ARHGAP6: variants seen among roughly 807,000 people sequenced by gnomAD.
ARHGAP6 encodes Rho GTPase activating protein 6.
A neutral mutation model predicts 55.7 loss-of-function variants in ARHGAP6; 16 were observed. The observed-to-expected ratio is 0.29, with a 90% confidence interval of 0.19 to 0.44. ARHGAP6 has a LOEUF of 0.44. ARHGAP6 is among the 20% of genes least tolerant of loss of function. The pLI is 1.00. For missense variants in ARHGAP6, 698 were observed against 808.9 expected, an observed-to-expected ratio of 0.86 and a Z score of 1.66; for synonymous variants, 382 against 360.9, an observed-to-expected ratio of 1.06 and a Z score of -0.66.
At chrX:11,244,157 T>C (rs758587966) in intron 2 of ARHGAP6, among the ~76,000 whole-genome samples, 1 of 112,260 alleles carries the variant, frequency 8.9e-6, no homozygotes, top group East Asian at 2.8e-4. Context: ...GTTGAACAAC[T>C]GCATAAAAAA....
At chrX:11,348,069 G>A (rs970473767) in intron 1 of ARHGAP6, among the ~76,000 whole-genome samples, 3 of 112,176 alleles carry the variant, frequency 2.7e-5, no homozygotes, top group Non-Finnish European at 3.8e-5. Context: ...CTCATCTGAT[G>A]CTTCCTTCAG....
At chrX:11,493,284 T>C (rs59135452) in intron 1 of ARHGAP6, among the ~76,000 whole-genome samples, 8,547 of 111,697 alleles carry the variant, frequency 0.077, 350 homozygotes, top group East Asian at 0.18. Flanking sequence ...TCAACAAACA[T>C]GGCAATGAGG....
intron 1 of ARHGAP6, among the ~76,000 whole-genome samples, chrX:11,549,553 G>C: frequency 1.8e-5 from 2 of 112,075 alleles, no homozygotes; most frequent in Middle Eastern, 9.2e-3. Context: ...CTGGAGCTGT[G>C]CTTCTCAGTC....
chrX:11,565,256 C>T (rs1480426743), intron 1 of ARHGAP6, among the ~76,000 whole-genome samples: 1 of 112,032 alleles, frequency 8.9e-6, no homozygotes, highest in African/African-American at 3.2e-5. Context: ...TGCCCCAGAT[C>T]AGAAATGTTT....
At chrX:11,181,691 T>C (rs2046316249) in intron 6 of ARHGAP6, among the ~76,000 whole-genome samples, 2 of 112,788 alleles carry the variant, frequency 1.8e-5, no homozygotes, top group South Asian at 7.2e-4. Flanking sequence ...GAAGGGAATG[T>C]TAATGGCATT....
chrX:11,243,894 C>T (rs1036477212), intron 2 of ARHGAP6, among the ~76,000 whole-genome samples: 1 of 112,211 alleles, frequency 8.9e-6, no homozygotes, highest in Non-Finnish European at 1.9e-5. Flanking sequence ...GCAGTAGGCT[C>T]TACCATATCG....
chrX:11,281,943 AAC>A (rs930305007), intron 1 of ARHGAP6, among the ~76,000 whole-genome samples: 7 of 112,108 alleles, frequency 6.2e-5, no homozygotes, highest in African/African-American at 2.3e-4. Context: ...TAATGGAATA[AAC>A]AGAGTGTCTT....
chrX:11,480,256 C>T (rs2050443042), intron 1 of ARHGAP6, among the ~76,000 whole-genome samples: 1 of 111,031 alleles, frequency 9.0e-6, no homozygotes, highest in East Asian at 2.8e-4. Context: ...TATTCGGCAA[C>T]AAAAAGAATA....
At chrX:11,303,764 G>C (rs1309621630) in intron 1 of ARHGAP6, among the ~76,000 whole-genome samples, 1 of 111,371 alleles carries the variant, frequency 9.0e-6, no homozygotes, top group Admixed American at 9.5e-5. Context: ...ATGGTAGGGG[G>C]TGCAGCCTCC....
rs1385512649 is a variant in ARHGAP6, at chrX:11,148,823, T to C, written c.1908-4575A>G. ...GAACTGTGGAGGTTTCAAATGTGTG[T>C]TGGCTTCATCCTTGGCTTAATCATA... is the stretch of plus-strand genomic sequence containing the variant. On this transcript the variant is annotated intron_variant, in intron 10 of 12. Transcript: ENST00000337414. 4.3e-5 allele frequency: 12 copies of C among 281,234 alleles called. No homozygotes were observed. In the Admixed American group the frequency reaches 4.5e-4, roughly 11 times the overall value. 23.2% of individuals were successfully genotyped at this position (281,234 alleles called of 1,213,427 possible).
At chrX:11,483,018 C>T (rs995353887) in intron 1 of ARHGAP6, among the ~76,000 whole-genome samples, 1 of 111,695 alleles carries the variant, frequency 9.0e-6, no homozygotes, top group Non-Finnish European at 1.9e-5. Context: ...AGAATATTTC[C>T]TGACCAATCC....
intron 1 of ARHGAP6, among the ~76,000 whole-genome samples, chrX:11,516,634 G>C (rs1176204742): frequency 8.9e-6 from 1 of 111,857 alleles, no homozygotes; most frequent in African/African-American, 3.2e-5. Context: ...ACTCAACATA[G>C]GTCCTCATTC....
chrX:11,273,228 G>A (rs1879145003), intron 1 of ARHGAP6, among the ~76,000 whole-genome samples: 1 of 110,156 alleles, frequency 9.1e-6, no homozygotes, highest in Admixed American at 9.7e-5. Flanking sequence ...AATTAACGTG[G>A]CAATATGAAG....
Position 11,339,115 on chromosome X carries a change from T to C in ARHGAP6, c.589-84408A>G, listed in dbSNP as rs60686144. 6.8e-3 allele frequency among the ~76,000 whole-genome samples: 760 copies of C among 112,099 alleles called. 5 individuals carry two copies. Among genetic ancestry groups the C allele is most frequent in the African/African-American group, 0.023 (722 of 30,856 alleles). On this transcript the variant is annotated intron_variant, in intron 1 of 12. Coordinates refer to ENST00000337414, the MANE Select transcript of ARHGAP6 (RefSeq NM_013427.3). ...GAACTTTTGCACATAAATTGCTGAA[T>C]TCCCAACACCTGAAAGAATCTCAGG...
At chrX:11,211,222 G>GT (rs1231718233) in intron 2 of ARHGAP6, among the ~76,000 whole-genome samples, 2,647 of 91,843 alleles carry the variant, frequency 0.029, 70 homozygotes, top group African/African-American at 0.072. Flanking sequence ...GAGAACTGCT[G>GT]TTTTTTTTTT....
At chrX:11,295,190 T>C (rs1311349073) in intron 1 of ARHGAP6, among the ~76,000 whole-genome samples, 2 of 111,787 alleles carry the variant, frequency 1.8e-5, no homozygotes, top group African/African-American at 6.5e-5. Context: ...GAGAAAGTGC[T>C]TAACCAGCTT....
intron 1 of ARHGAP6, among the ~76,000 whole-genome samples, chrX:11,658,803 A>G (rs1301023873): frequency 9.2e-6 from 1 of 108,125 alleles, no homozygotes. Flanking sequence ...TCTTGTATAC[A>G]GGGCGTCTCA....
At chrX:11,417,588 C>T (rs1180224020) in intron 1 of ARHGAP6, among the ~76,000 whole-genome samples, 1 of 111,400 alleles carries the variant, frequency 9.0e-6, no homozygotes, top group Admixed American at 9.5e-5. Context: ...TAAGATGCTA[C>T]CATTGAGAGA....
intron 1 of ARHGAP6, among the ~76,000 whole-genome samples, chrX:11,271,748 T>C (rs1226211552): frequency 1.8e-5 from 2 of 111,875 alleles, no homozygotes; most frequent in Admixed American, 1.9e-4. Flanking sequence ...GAAAAGCAAG[T>C]TATTCATTTT....
Sources: gnomAD v4.1 joint callset for allele counts (sites outside exome capture counted in the v4.1 genomes callset) on GRCh38, gnomAD v4.1.1 for gene constraint, MANE v1.5 for transcripts, NCBI Gene and HGNC (gene_info 2026-07-23, HGNC 2026-07-21) for gene names.